CFAP54: variants seen among roughly 807,000 people sequenced by gnomAD.
CFAP54 encodes the protein cilia- and flagella-associated protein 54.
A neutral mutation model predicts 370.4 loss-of-function variants in CFAP54; 290 were observed. The ratio of observed to expected loss-of-function variants is 0.78; its 90% CI spans 0.71 to 0.86. The LOEUF (loss-of-function observed/expected upper bound fraction) is 0.86. Among genes scored for constraint, CFAP54 ranks in the 40% least tolerant of loss-of-function variants. The pLI is 0.00. For missense variants in CFAP54, 3,399 were observed against 3,528.7 expected, an observed-to-expected ratio of 0.96 and a Z score of 0.93; for synonymous variants, 1,206 against 1,236.5, an observed-to-expected ratio of 0.98 and a Z score of 0.52.
intron 60 of CFAP54, among the ~76,000 whole-genome samples, chr12:96,776,957 A>AT (rs771153823): frequency 2.6e-5 from 4 of 152,230 alleles, no homozygotes; most frequent in Non-Finnish European, 4.4e-5. Flanking sequence ...AGTGGTAGAT[A>AT]TAAGTTTTCC....
At chr12:96,628,461 A>G (rs1371963486) in intron 30 of CFAP54, among the ~76,000 whole-genome samples, 1 of 152,154 alleles carries the variant, frequency 6.6e-6, no homozygotes, top group Non-Finnish European at 1.5e-5. Context: ...TCTTTCTGGA[A>G]GAACATAACC....
intron 45 of CFAP54, among the ~76,000 whole-genome samples, chr12:96,698,245 A>G (rs891558426): frequency 2.6e-5 from 4 of 152,234 alleles, no homozygotes; most frequent in Admixed American, 6.5e-5. Flanking sequence ...TCCTTTTTCT[A>G]TAATTTTCTG....
intron 66 of CFAP54, among the ~76,000 whole-genome samples, chr12:96,829,434 C>A (rs1411904975): frequency 3.3e-5 from 5 of 152,044 alleles, no homozygotes; most frequent in African/African-American, 7.2e-5. Context: ...TCATACTTTA[C>A]ATGCATTCTG....
chr12:96,512,595 G>A (rs1241026426), intron 4 of CFAP54, among the ~76,000 whole-genome samples: 1 of 151,616 alleles, frequency 6.6e-6, no homozygotes, highest in Non-Finnish European at 1.5e-5. Context: ...CCCGCCTCAG[G>A]CTCCCAAAGT....
At chr12:96,720,259 T>G in intron 49 of CFAP54, 146 bp from the exon 50 acceptor site, 1 of 664,202 alleles carries the variant, frequency 1.5e-6, no homozygotes, top group Non-Finnish European at 2.2e-6. Context: ...TGCTGAACTC[T>G]CTTCTCTGGT....
rs1955325207 is a variant in CFAP54 at position 96,521,902 on chromosome 12, C to T, written c.988C>T (p.Leu330=). ...ALAKIDELRQ[L]ELMSSSKSQE... Reference sequence around the variant, plus strand: ...GGCTAAAATTGATGAGTTAAGGCAACTGGAATTAATGAGTTCCTCAAAATC... The same window carrying T: ...GGCTAAAATTGATGAGTTAAGGCAATTGGAATTAATGAGTTCCTCAAAATC... Residue 330 remains leucine (L), a synonymous_variant, in exon 7 of 68, where the codon CTG becomes TTG. Coordinates refer to ENST00000524981, the MANE Select transcript of CFAP54 (RefSeq NM_001306084.2). 2 of 1,534,046 alleles carry T rather than the reference C, an allele frequency of 1.3e-6. No individual in the cohort carries two copies. Among genetic ancestry groups the T allele is most frequent in the South Asian group, 2.4e-5 (2 of 83,962 alleles).
chr12:96,708,580 G>T (rs777239697), intron 47 of CFAP54, 28 bp from the exon 48 acceptor site: 4 of 1,540,358 alleles, frequency 2.6e-6, no homozygotes, highest in South Asian at 2.4e-5. Flanking sequence ...TTTCTAATTT[G>T]CTCTTTTTCC....
At chr12:96,699,621 A>G (rs1028980498) in intron 45 of CFAP54, among the ~76,000 whole-genome samples, 4 of 152,158 alleles carry the variant, frequency 2.6e-5, no homozygotes, top group Non-Finnish European at 5.9e-5. Context: ...CTTTTGAGCT[A>G]TAGTTAGTAA....
chr12:96,594,359 C>T lies in CFAP54; in HGVS notation c.3429C>T (p.Ser1143=). The change falls in exon 25 of 68, where the codon TCC becomes TCT. Residue 1143 remains serine, a synonymous_variant. Transcript: ENST00000524981. ...ALELSNFLND[S]SYALQAVTQC... is the part of the protein sequence containing the mutation. ...AACTTAGCAACTTCCTAAATGATTC[C>T]AGCTATGCCCTTCAAGCTGTGACTC... 1 of 1,534,220 alleles carries T rather than the reference C, an allele frequency of 6.5e-7. No homozygotes were observed. Among genetic ancestry groups the T allele is most frequent in the Non-Finnish European group, 8.7e-7 (1 of 1,145,384 alleles).
chr12:96,856,622 T>C (rs1242927348), intron 66 of CFAP54, among the ~76,000 whole-genome samples: 2 of 151,016 alleles, frequency 1.3e-5, no homozygotes, highest in African/African-American at 5.0e-5. Flanking sequence ...TCCTGGACTT[T>C]ATTGTCCATA....
rs1958309631 is a variant in CFAP54 at position 96,759,448 on chromosome 12, T to C, written c.8040+1860T>C. 3.3e-5 allele frequency among the ~76,000 whole-genome samples: 5 copies of C among 152,164 alleles called. No homozygotes were observed. The South Asian group carries it at 1.0e-3, about 31-fold the overall frequency. ...TGAATGAAAACAGTAGTGTAATTCC[T>C]TACAATATGATCATTATTTTCTGTA... On this transcript the variant is annotated intron_variant, in intron 58 of 67. Coordinates refer to ENST00000524981, the MANE Select transcript of CFAP54 (RefSeq NM_001306084.2).
At chr12:96,570,817 ACT>A (rs1955910377) in intron 19 of CFAP54, among the ~76,000 whole-genome samples, 1 of 152,078 alleles carries the variant, frequency 6.6e-6, no homozygotes, top group African/African-American at 2.4e-5. Context: ...CACTTTAAGC[ACT>A]CTGAGACATT....
In CFAP54 at chr12:96,576,780, T is replaced by TTTTTGC; in HGVS notation, c.2796+20_2796+25dup. On this transcript the variant is annotated intron_variant, in intron 20 of 67. Coordinates refer to ENST00000524981, the MANE Select transcript of CFAP54 (RefSeq NM_001306084.2). Reference sequence around the variant, plus strand: ...GGTTAAGGTATGGTGTCCAGTAAAATTTTTGCCTCATGCAAAGCAACATAA... The same window carrying TTTTTGC: ...GGTTAAGGTATGGTGTCCAGTAAAATTTTTGCTTTTGCCTCATGCAAAGCAACATAA... 3 of 1,514,136 alleles carry TTTTTGC rather than the reference T, an allele frequency of 2.0e-6. No homozygotes were observed. Among genetic ancestry groups the TTTTTGC allele is most frequent in the Non-Finnish European group, 2.6e-6 (3 of 1,137,552 alleles). 93.8% of individuals were successfully genotyped at this position (1,514,136 alleles called of 1,614,324 possible).
At chr12:96,508,408 C>A (rs1955130358) in intron 4 of CFAP54, among the ~76,000 whole-genome samples, 1 of 151,618 alleles carries the variant, frequency 6.6e-6, no homozygotes, top group Non-Finnish European at 1.5e-5. Context: ...GCCTCAGCCT[C>A]CCGAGTAGCT....
At chr12:96,871,773 G>T (rs984831594) in intron 67 of CFAP54, among the ~76,000 whole-genome samples, 1 of 152,092 alleles carries the variant, frequency 6.6e-6, no homozygotes, top group African/African-American at 2.4e-5. Context: ...AAAATTCATT[G>T]AATGGACTTA....
chr12:96,519,797 T>C (rs1955282854), intron 6 of CFAP54, among the ~76,000 whole-genome samples: 1 of 152,202 alleles, frequency 6.6e-6, no homozygotes, highest in Non-Finnish European at 1.5e-5. Flanking sequence ...ACTTAAAATC[T>C]ATTTACTAGT....
chr12:96,526,877 T>C (rs1955387567), intron 8 of CFAP54, among the ~76,000 whole-genome samples: 1 of 147,452 alleles, frequency 6.8e-6, no homozygotes, highest in Non-Finnish European at 1.5e-5. Context: ...TTCTTTGCCT[T>C]ATAACAGGTT....
chr12:96,623,508 G>A, intron 27 of CFAP54, among the ~76,000 whole-genome samples: 1 of 152,166 alleles, frequency 6.6e-6, no homozygotes, highest in African/African-American at 2.4e-5. Context: ...GGTTAGGTAG[G>A]TGGAAGTTAC....
At chr12:96,572,811 A>G (rs1015539477) in intron 19 of CFAP54, 31 of 962,836 alleles carry the variant, frequency 3.2e-5, no homozygotes, top group Non-Finnish European at 3.2e-5. Context: ...TGATTTTTAA[A>G]TAAACTCCAT....
Sources: gnomAD v4.1 joint callset for allele counts (sites outside exome capture counted in the v4.1 genomes callset) on GRCh38, gnomAD v4.1.1 for gene constraint, MANE v1.5 for transcripts, NCBI Gene and HGNC (gene_info 2026-07-23, HGNC 2026-07-21) for gene names.